The following AP4S1 variants were observed in gnomAD, a reference collection of about 807,000 sequenced individuals.
AP4S1 encodes the protein adaptor related protein complex 4 subunit sigma 1.
AP4S1 carries 23 observed loss-of-function variants against 19.8 expected under a neutral mutation model. The observed-to-expected ratio is 1.16, with a 90% CI of 0.84 to 1.65. The LOEUF (loss-of-function observed/expected upper bound fraction) is 1.65. Among genes scored for constraint, AP4S1 ranks in the 40% most tolerant of loss-of-function variants. The probability of loss-of-function intolerance (pLI) is 0.00; values close to 1 mark genes in which losing one functional copy is unlikely to be tolerated. For missense variants in AP4S1, 166 were observed against 172.8 expected, an observed-to-expected ratio of 0.96 and a Z score of 0.22; for synonymous variants, 46 against 54.1, an observed-to-expected ratio of 0.85 and a Z score of 0.66.
intron 1 of AP4S1, among the ~76,000 whole-genome samples, chr14:31,037,104 G>A (rs765284173): frequency 1.3e-4 from 19 of 151,832 alleles, no homozygotes; most frequent in African/African-American, 4.1e-4. Context: ...CAGCCACCAC[G>A]CCCGGCCAAG....
At chr14:31,057,720 G>C (rs1410660999) in intron 1 of AP4S1, among the ~76,000 whole-genome samples, 1 of 151,748 alleles carries the variant, frequency 6.6e-6, no homozygotes, top group Non-Finnish European at 1.5e-5. Flanking sequence ...CCGCCTCCTG[G>C]GTTCAAGTGA....
intron 4 of AP4S1, among the ~76,000 whole-genome samples, chr14:31,077,744 T>C (rs1327983705): frequency 6.7e-6 from 1 of 150,226 alleles, no homozygotes; most frequent in Non-Finnish European, 1.5e-5. Context: ...TTTTTCTTTT[T>C]TTTTTTTTTT....
intron 1 of AP4S1, among the ~76,000 whole-genome samples, chr14:31,052,762 T>G (rs1230280715): frequency 6.6e-6 from 1 of 150,938 alleles, no homozygotes; most frequent in Non-Finnish European, 1.5e-5. Context: ...GAATCAATCA[T>G]TTTCATGATT....
At chr14:31,079,023 C>A (rs896993174) in intron 4 of AP4S1, among the ~76,000 whole-genome samples, 2 of 152,118 alleles carry the variant, frequency 1.3e-5, no homozygotes, top group African/African-American at 4.8e-5. Context: ...CTCATGCTGT[C>A]TGGGGCTGAG....
chr14:31,037,244 C>G (rs546911172), intron 1 of AP4S1, among the ~76,000 whole-genome samples: 9 of 149,886 alleles, frequency 6.0e-5, no homozygotes, highest in Non-Finnish European at 5.9e-5. Flanking sequence ...GTTCTTGTTG[C>G]TACCTTAGTT....
At chr14:31,058,521 G>C (rs75211121) in intron 1 of AP4S1, among the ~76,000 whole-genome samples, 31 of 88,984 alleles carry the variant, frequency 3.5e-4, no homozygotes, top group Non-Finnish European at 4.7e-4. Flanking sequence ...CCATCTCTGT[G>C]TGTGTATGTG....
At chr14:31,092,624 C>G (rs1331688019) in intron 5 of AP4S1, among the ~76,000 whole-genome samples, 1 of 152,186 alleles carries the variant, frequency 6.6e-6, no homozygotes, top group Non-Finnish European at 1.5e-5. Flanking sequence ...GCTGTGTTCT[C>G]TAGCACTTAG....
intron 5 of AP4S1, among the ~76,000 whole-genome samples, chr14:31,088,723 G>A (rs778876795): frequency 1.4e-4 from 20 of 147,634 alleles, no homozygotes; most frequent in Admixed American, 2.1e-4. Flanking sequence ...CGGGAGGATC[G>A]CTTGAACCTG....
rs1031215379 is a variant in AP4S1 at position 31,082,712 on chromosome 14, A to C, written c.306+2128A>C. ...GAGATCGAGACCATCCTGGCTAACAAGGTGAAACCCCGTCTCTACTAAAAA... is the reference window on the plus strand; with the variant it reads ...GAGATCGAGACCATCCTGGCTAACACGGTGAAACCCCGTCTCTACTAAAAA... On this transcript the variant is annotated intron_variant, in intron 5 of 5. Transcript: ENST00000542754. Among the ~76,000 whole-genome samples, 8 of 151,786 alleles carry C rather than the reference A, an allele frequency of 5.3e-5. 1 individual carries two copies. The highest frequency in any genetic ancestry group is 1.2e-4 in the African/African-American group (5 of 41,324).
chr14:31,056,687 G>A (rs763802914), intron 1 of AP4S1, among the ~76,000 whole-genome samples: 1 of 152,156 alleles, frequency 6.6e-6, no homozygotes, highest in South Asian at 2.1e-4. Context: ...GCAGTGATTC[G>A]TTTGGCATTT....
At chr14:31,044,308 C>A (rs1885271918) in intron 1 of AP4S1, among the ~76,000 whole-genome samples, 1 of 152,082 alleles carries the variant, frequency 6.6e-6, no homozygotes, top group South Asian at 2.1e-4. Flanking sequence ...TAGCTCACAA[C>A]TGTTCCAAGG....
At chr14:31,036,838 G>A (rs1884803500) in intron 1 of AP4S1, among the ~76,000 whole-genome samples, 1 of 151,782 alleles carries the variant, frequency 6.6e-6, no homozygotes, top group Admixed American at 6.6e-5. Context: ...TCTTTTAGAT[G>A]GAGTCTCGCT....
chr14:31,083,243 T>C (rs1887747745), intron 5 of AP4S1, among the ~76,000 whole-genome samples: 1 of 152,166 alleles, frequency 6.6e-6, no homozygotes, highest in South Asian at 2.1e-4. Context: ...TTTCCCTTCA[T>C]TTTACCTGGT....
At chr14:31,062,315 T>C (rs34869270) in intron 1 of AP4S1, among the ~76,000 whole-genome samples, 16,871 of 151,844 alleles carry the variant, frequency 0.11, 1,259 homozygotes, top group Non-Finnish European at 0.16. Flanking sequence ...ACCAGGCTGT[T>C]CTTAAACTCC....
intron 1 of AP4S1, among the ~76,000 whole-genome samples, chr14:31,035,103 C>G (rs1227783740): frequency 6.6e-6 from 1 of 151,296 alleles, no homozygotes; most frequent in Non-Finnish European, 1.5e-5. Flanking sequence ...ACATAGTTCT[C>G]TAAGTATCTT....
At chr14:31,060,986 T>C (rs979172964) in intron 1 of AP4S1, among the ~76,000 whole-genome samples, 1 of 151,778 alleles carries the variant, frequency 6.6e-6, no homozygotes, top group African/African-American at 2.4e-5. Context: ...GCCTCCCGGG[T>C]TCAAACAATC....
intron 1 of AP4S1, among the ~76,000 whole-genome samples, chr14:31,032,063 C>A (rs1884422346): frequency 2.1e-5 from 3 of 141,070 alleles, no homozygotes; most frequent in East Asian, 4.3e-4. Flanking sequence ...TAGAGTGAGA[C>A]CTTGTCCCAA....
chr14:31,049,960 C>T (rs939687206), intron 1 of AP4S1, among the ~76,000 whole-genome samples: 8 of 152,094 alleles, frequency 5.3e-5, no homozygotes, highest in Non-Finnish European at 8.8e-5. Flanking sequence ...CTCCCTCTGT[C>T]GCCTAGACTG....
intron 4 of AP4S1, among the ~76,000 whole-genome samples, chr14:31,077,543 T>C (rs1258034447): frequency 6.6e-6 from 1 of 152,118 alleles, no homozygotes; most frequent in Non-Finnish European, 1.5e-5. Flanking sequence ...GGTTGAGAAC[T>C]TGTTAGACAG....
Sources: allele counts gnomAD v4.1 joint callset (sites outside exome capture counted in the v4.1 genomes callset), GRCh38; gene constraint gnomAD v4.1.1; transcripts MANE v1.5; gene names NCBI Gene and HGNC (gene_info 2026-07-23, HGNC 2026-07-21).